OPCML: variants seen among roughly 807,000 people sequenced by gnomAD.
The protein encoded by OPCML is opioid binding protein/cell adhesion molecule like.
Under a neutral mutation model 37.8 loss-of-function variants are expected in OPCML, and 13 were observed. That is an observed-to-expected ratio of 0.34 (90% CI 0.22 to 0.55). The LOEUF (loss-of-function observed/expected upper bound fraction) is 0.55, where lower values mean the gene tolerates loss of function less well. Among genes scored for constraint, OPCML ranks in the 20% least tolerant of loss-of-function variants. The probability of loss-of-function intolerance (pLI) is 0.91; values close to 1 mark genes in which losing one functional copy is unlikely to be tolerated. For synonymous variants in OPCML, 176 were observed against 168.8 expected (o/e 1.04, Z -0.33); for missense variants, 341 against 435.6 (o/e 0.78, Z 1.93).
chr11:132,959,135 C>T (rs938089208), intron 1 of OPCML, among the ~76,000 whole-genome samples: 1 of 152,182 alleles, frequency 6.6e-6, no homozygotes, highest in East Asian at 1.9e-4. Context: ...GTCAAAGTAT[C>T]CACATTAACA....
rs376624386 is a variant in OPCML, at chr11:132,538,203, C to T, written c.380-9017G>A. Among the ~76,000 whole-genome samples, 39 of 152,002 alleles carry T rather than the reference C, an allele frequency of 2.6e-4. No individual in the cohort carries two copies. The South Asian group carries it at 7.5e-3, about 29-fold the overall frequency. ...AATGGATAAACAAAATGTGATACAC[C>T]AATACAATGGAATATTATATAAGCA... On this transcript the variant is annotated intron_variant, in intron 3 of 7. Coordinates refer to ENST00000524381, the MANE Select transcript of OPCML (RefSeq NM_001012393.5).
chr11:132,464,234 G>C (rs1475531803), intron 4 of OPCML, among the ~76,000 whole-genome samples: 1 of 152,110 alleles, frequency 6.6e-6, no homozygotes, highest in Non-Finnish European at 1.5e-5. Flanking sequence ...GTCTCTGTCT[G>C]GAAGTTATCA....
chr11:133,215,270 C>T (rs924492347), intron 1 of OPCML, among the ~76,000 whole-genome samples: 2 of 151,694 alleles, frequency 1.3e-5, no homozygotes, highest in African/African-American at 4.8e-5. Context: ...GCACAAACAC[C>T]CATCTCTTTA....
intron 1 of OPCML, among the ~76,000 whole-genome samples, chr11:133,126,644 C>T (rs1368870183): frequency 6.6e-6 from 1 of 152,170 alleles, no homozygotes; most frequent in Admixed American, 6.5e-5. Flanking sequence ...TCTCTTTTGA[C>T]TCCTTCTGCC....
Position 132,582,794 on chromosome 11 carries a change from T to C in OPCML, c.380-53608A>G, listed in dbSNP as rs543458130. Among the ~76,000 whole-genome samples the C allele has an allele frequency of 2.6e-5, 4 of 151,754 alleles. No homozygotes were observed. The South Asian group carries it at 8.3e-4, about 32-fold the overall frequency. On this transcript the variant is annotated intron_variant, in intron 3 of 7. Coordinates refer to ENST00000524381, the MANE Select transcript of OPCML (RefSeq NM_001012393.5). ...GTCATGCAGGCAGCAAAACGAATCA[T>C]CTGCAAGAGGAAAATAATAGGAGTG...
At chr11:132,534,740 G>C (rs950338975) in intron 3 of OPCML, among the ~76,000 whole-genome samples, 4 of 152,074 alleles carry the variant, frequency 2.6e-5, no homozygotes, top group Admixed American at 1.3e-4. Flanking sequence ...CTGTACAATG[G>C]GGATGAAAAA....
At chr11:133,040,743 A>T (rs1386316665) in intron 1 of OPCML, among the ~76,000 whole-genome samples, 1 of 151,666 alleles carries the variant, frequency 6.6e-6, no homozygotes, top group East Asian at 1.9e-4. Flanking sequence ...CACGTATGTG[A>T]CTGCGTCTCT....
At chr11:132,986,096 C>T (rs1277165413) in intron 1 of OPCML, among the ~76,000 whole-genome samples, 2 of 152,160 alleles carry the variant, frequency 1.3e-5, no homozygotes, top group African/African-American at 4.8e-5. Context: ...TCACATCAAG[C>T]ATCAGCTCTG....
intron 1 of OPCML, among the ~76,000 whole-genome samples, chr11:133,304,297 C>A (rs188196758): frequency 1.2e-3 from 187 of 152,246 alleles, no homozygotes; most frequent in Admixed American, 3.3e-3. Context: ...TCTGAATAAT[C>A]ACATATAACA....
intron 2 of OPCML, among the ~76,000 whole-genome samples, chr11:132,776,617 C>A (rs980004783): frequency 2.6e-5 from 4 of 151,982 alleles, no homozygotes; most frequent in African/African-American, 7.3e-5. Flanking sequence ...CATGCTGGTC[C>A]CCCATTGCTT....
At chr11:132,933,370 C>G (rs1441360973) in intron 2 of OPCML, among the ~76,000 whole-genome samples, 1 of 152,180 alleles carries the variant, frequency 6.6e-6, no homozygotes, top group East Asian at 1.9e-4. Flanking sequence ...GAATCTCCTG[C>G]CTGTGGCTTC....
At chr11:133,476,630 G>A (rs551704530) in intron 1 of OPCML, among the ~76,000 whole-genome samples, 3 of 152,308 alleles carry the variant, frequency 2.0e-5, no homozygotes, top group African/African-American at 7.2e-5. Flanking sequence ...GGGCAATGCA[G>A]CAATGAACAA....
At chr11:133,034,644 A>G (rs935304579) in intron 1 of OPCML, among the ~76,000 whole-genome samples, 4 of 152,322 alleles carry the variant, frequency 2.6e-5, no homozygotes, top group Non-Finnish European at 4.4e-5. Context: ...GAGAATGAAA[A>G]TAACTACAGT....
intron 1 of OPCML, among the ~76,000 whole-genome samples, chr11:133,283,764 G>A (rs890048158): frequency 6.6e-6 from 1 of 152,052 alleles, no homozygotes; most frequent in Non-Finnish European, 1.5e-5. Context: ...GGTATATGAG[G>A]TTCATTTTGC....
At chr11:132,883,667 C>A (rs530316246) in intron 2 of OPCML, among the ~76,000 whole-genome samples, 1 of 152,170 alleles carries the variant, frequency 6.6e-6, no homozygotes, top group Non-Finnish European at 1.5e-5. Context: ...AGATGAGAGG[C>A]GATGGGACAG....
In OPCML at chr11:133,197,105, T is replaced by C. The variant is rs146892601; in HGVS notation, c.62-254095A>G. 2.9e-3 allele frequency among the ~76,000 whole-genome samples: 447 copies of C among 152,336 alleles called. 1 individual carries two copies. Among genetic ancestry groups the C allele is most frequent in the Non-Finnish European group, 4.9e-3 (335 of 68,028 alleles). ...ATTAAGTTTCTCCCCCAGTGGAAGA[T>C]AGAATCTATTGAAACACCTATAAAA... On this transcript the variant is annotated intron_variant, in intron 1 of 7. Coordinates refer to ENST00000524381, the MANE Select transcript of OPCML (RefSeq NM_001012393.5).
At chr11:132,975,424 A>G (rs1946436985) in intron 1 of OPCML, among the ~76,000 whole-genome samples, 1 of 151,280 alleles carries the variant, frequency 6.6e-6, no homozygotes, top group African/African-American at 2.4e-5. Context: ...GAAGAAGCAT[A>G]TAATATGAGT....
chr11:133,095,106 G>A (rs1356345908), intron 1 of OPCML, among the ~76,000 whole-genome samples: 1 of 151,824 alleles, frequency 6.6e-6, no homozygotes, highest in East Asian at 1.9e-4. Context: ...GTTCAACATT[G>A]GCATATTAAT....
At chr11:133,155,492 C>A (rs940377824) in intron 1 of OPCML, among the ~76,000 whole-genome samples, 3 of 152,086 alleles carry the variant, frequency 2.0e-5, no homozygotes, top group African/African-American at 7.2e-5. Context: ...AGTTTCTCCA[C>A]CTTTTTGGCC....
Sources: gnomAD v4.1 joint callset for allele counts (sites outside exome capture counted in the v4.1 genomes callset) on GRCh38, gnomAD v4.1.1 for gene constraint, MANE v1.5 for transcripts, NCBI Gene and HGNC (gene_info 2026-07-23, HGNC 2026-07-21) for gene names.